GALNT13: variants seen among roughly 807,000 people sequenced by gnomAD.
The protein encoded by GALNT13 is polypeptide N-acetylgalactosaminyltransferase 13.
GALNT13 carries 28 observed loss-of-function variants against 64.2 expected under a neutral mutation model. The ratio of observed to expected loss-of-function variants is 0.44; its 90% CI spans 0.32 to 0.60. The LOEUF is 0.60. GALNT13 is among the 20% of genes least tolerant of loss of function. The probability of loss-of-function intolerance (pLI) is 0.05; values close to 1 mark genes in which losing one functional copy is unlikely to be tolerated. For missense variants in GALNT13, 577 were observed against 669.8 expected, an observed-to-expected ratio of 0.86 and a Z score of 1.53; for synonymous variants, 214 against 224.6, an observed-to-expected ratio of 0.95 and a Z score of 0.42.
chr2:153,914,139 G>T (rs1157874578), intron 2 of GALNT13, among the ~76,000 whole-genome samples: 1 of 152,080 alleles, frequency 6.6e-6, no homozygotes, highest in African/African-American at 2.4e-5. Context: ...TGTATTTTCT[G>T]TGTCTTATTG....
At chr2:153,225,280 A>G in the GALNT13 span, among the ~76,000 whole-genome samples, 9 of 152,216 alleles carry the variant, frequency 5.9e-5, no homozygotes, top group African/African-American at 9.6e-5. Context: ...TTTAAAACTG[A>G]TTTATGATTT....
chr2:154,300,575 ATATATATATAATTG>A (rs1693384812), intron 8 of GALNT13, among the ~76,000 whole-genome samples: 2 of 151,952 alleles, frequency 1.3e-5, no homozygotes, highest in African/African-American at 2.4e-5. Context: ...TATATGTTAT[ATATATATATAATTG>A]TATGTATAGT....
chr2:153,464,700 G>T, the GALNT13 span, among the ~76,000 whole-genome samples: 2 of 151,996 alleles, frequency 1.3e-5, no homozygotes, highest in Non-Finnish European at 2.9e-5. Context: ...GTAAAATTAG[G>T]TCAGAACATT....
chr2:154,317,095 C>T (rs1694359266), intron 9 of GALNT13, among the ~76,000 whole-genome samples: 1 of 151,948 alleles, frequency 6.6e-6, no homozygotes, highest in South Asian at 2.1e-4. Flanking sequence ...CACCTGTAGT[C>T]CCAGCTACTC....
intron 3 of GALNT13, among the ~76,000 whole-genome samples, chr2:153,980,818 C>T (rs1018927781): frequency 2.0e-5 from 3 of 152,086 alleles, no homozygotes. Context: ...ATAATTTAGT[C>T]ATGCAGTGGT....
intron 4 of GALNT13, among the ~76,000 whole-genome samples, chr2:154,211,437 A>G (rs1337509167): frequency 2.0e-5 from 3 of 151,464 alleles, no homozygotes; most frequent in Non-Finnish European, 2.9e-5. Flanking sequence ...GACCAGCCTG[A>G]CCAACATGGA....
chr2:154,290,239 T>C (rs573811333), intron 8 of GALNT13, among the ~76,000 whole-genome samples: 3 of 152,266 alleles, frequency 2.0e-5, no homozygotes, highest in East Asian at 3.9e-4. Flanking sequence ...GAATTATCAC[T>C]GAAACAAAGC....
chr2:154,155,368 A>G (rs1684348544), intron 4 of GALNT13, among the ~76,000 whole-genome samples: 1 of 152,074 alleles, frequency 6.6e-6, no homozygotes, highest in South Asian at 2.1e-4. Context: ...TTGTTTTAGT[A>G]AACATTTGCA....
intron 9 of GALNT13, among the ~76,000 whole-genome samples, chr2:154,321,323 C>G (rs1009648488): frequency 1.3e-5 from 2 of 152,108 alleles, no homozygotes; most frequent in Admixed American, 1.3e-4. Context: ...TTTCTTTCTC[C>G]TATCCTATAA....
chr2:153,304,660 G>A, the GALNT13 span, among the ~76,000 whole-genome samples: 6 of 152,238 alleles, frequency 3.9e-5, no homozygotes, highest in East Asian at 9.7e-4. Flanking sequence ...GGAGAGGGAG[G>A]TGTTAAATAC....
At chr2:153,090,899 G>T in the GALNT13 span, among the ~76,000 whole-genome samples, 3 of 152,090 alleles carry the variant, frequency 2.0e-5, no homozygotes, top group African/African-American at 7.2e-5. Flanking sequence ...GAAAGTGGGG[G>T]ATAGCTGGTA....
the GALNT13 span, among the ~76,000 whole-genome samples, chr2:153,712,322 A>T: frequency 6.6e-6 from 1 of 152,196 alleles, no homozygotes; most frequent in African/African-American, 2.4e-5. Flanking sequence ...AGTCTGTCAA[A>T]GAAATAGCTC....
At chr2:154,433,640 A>C (rs1017440949) in intron 11 of GALNT13, among the ~76,000 whole-genome samples, 5 of 152,162 alleles carry the variant, frequency 3.3e-5, no homozygotes, top group African/African-American at 4.8e-5. Context: ...CCCAATGTGA[A>C]GAAGGGGGAA....
the GALNT13 span, among the ~76,000 whole-genome samples, chr2:153,394,569 C>T: frequency 6.6e-6 from 1 of 152,088 alleles, no homozygotes; most frequent in African/African-American, 2.4e-5. Flanking sequence ...AGTTATAAAA[C>T]TTAGCATGAA....
the GALNT13 span, among the ~76,000 whole-genome samples, chr2:153,169,911 C>A: frequency 2.6e-3 from 398 of 152,256 alleles, 1 homozygote; most frequent in Non-Finnish European, 4.3e-3. Flanking sequence ...TGTGGTTTTA[C>A]TTTTTTGTAC....
chr2:153,524,102 T>A, the GALNT13 span, among the ~76,000 whole-genome samples: 2 of 152,186 alleles, frequency 1.3e-5, no homozygotes, highest in African/African-American at 4.8e-5. Flanking sequence ...ACGTGATGAA[T>A]TACATTACTT....
intron 3 of GALNT13, among the ~76,000 whole-genome samples, chr2:154,137,062 GAAA>G (rs1682997261): frequency 6.6e-6 from 1 of 151,938 alleles, no homozygotes; most frequent in Non-Finnish European, 1.5e-5. Flanking sequence ...AAAATGTATA[GAAA>G]CTGATATTTA....
chr2:154,171,971 TACACACAC>T (rs57343446), intron 4 of GALNT13, among the ~76,000 whole-genome samples: 3,439 of 144,168 alleles, frequency 0.024, 118 homozygotes, highest in African/African-American at 0.077. Context: ...TTCTTTCTCA[TACACACAC>T]ACACACACAC....
At chr2:153,345,574 A>G in the GALNT13 span, among the ~76,000 whole-genome samples, 1 of 151,516 alleles carries the variant, frequency 6.6e-6, no homozygotes, top group South Asian at 2.1e-4. Context: ...TTAATTCCAC[A>G]CCCTGCCCCC....
Sources: allele counts gnomAD v4.1 joint callset (sites outside exome capture counted in the v4.1 genomes callset), GRCh38; gene constraint gnomAD v4.1.1; transcripts MANE v1.5; gene names NCBI Gene and HGNC (gene_info 2026-07-23, HGNC 2026-07-21).